PPME1: variants seen among roughly 807,000 people sequenced by gnomAD.
The protein encoded by PPME1 is protein phosphatase methylesterase 1, also known as testicular secretory protein Li 39.
A neutral mutation model predicts 56.9 loss-of-function variants in PPME1; 17 were observed. The ratio of observed to expected loss-of-function variants is 0.30; its 90% CI spans 0.20 to 0.45. The LOEUF (loss-of-function observed/expected upper bound fraction) is 0.45, where lower values mean the gene tolerates loss of function less well. Among genes scored for constraint, PPME1 ranks in the 20% least tolerant of loss-of-function variants. PPME1 has a pLI of 1.00. For missense variants in PPME1, 357 were observed against 483.2 expected, an observed-to-expected ratio of 0.74 and a Z score of 2.45; for synonymous variants, 122 against 156.2, an observed-to-expected ratio of 0.78 and a Z score of 1.63.
chr11:74,200,375 G>GTGTGTT (rs1211471945), intron 1 of PPME1, among the ~76,000 whole-genome samples: 2 of 151,548 alleles, frequency 1.3e-5, no homozygotes, highest in African/African-American at 4.8e-5. Context: ...GTGTGTGTGT[G>GTGTGTT]TGTGTGTGTG....
At chr11:74,252,288 A>G in intron 13 of PPME1, 1 of 235,306 alleles carries the variant, frequency 4.2e-6, no homozygotes, top group Non-Finnish European at 8.2e-6. Flanking sequence ...TGGTTTCTCC[A>G]TGTTGGCCAG....
rs371691886 is a variant in PPME1, at chr11:74,243,770, CCTTT to C, written c.835-2293_835-2290del. 4.7e-4 allele frequency among the ~76,000 whole-genome samples: 71 copies of C among 150,484 alleles called. No individual in the cohort carries two copies. In the South Asian group the frequency reaches 8.4e-3, roughly 18 times the overall value. ...CTGGCGATCTTTTTCTTTTTCTTTT[CCTTT>C]CTTTCTTTCTTTTTTTTTTTTTTAC... On this transcript the variant is annotated intron_variant, in intron 9 of 13. Transcript: ENST00000328257.
At chr11:74,200,358 TG>T (rs1258629574) in intron 1 of PPME1, among the ~76,000 whole-genome samples, 19 of 1,750 alleles carry the variant, frequency 0.011, no homozygotes, top group Admixed American at 0.081. Flanking sequence ...TCATGTGTTT[TG>T]TGTGTGTGTG....
At chr11:74,210,022 A>C (rs1324338098) in intron 3 of PPME1, among the ~76,000 whole-genome samples, 2 of 152,168 alleles carry the variant, frequency 1.3e-5, no homozygotes, top group African/African-American at 4.8e-5. Context: ...AGATCGTGCT[A>C]CTGCACTCCA....
chr11:74,229,132 A>G (rs920749511), intron 5 of PPME1, among the ~76,000 whole-genome samples: 4 of 152,168 alleles, frequency 2.6e-5, no homozygotes, highest in Non-Finnish European at 4.4e-5. Flanking sequence ...ATCAGTTCCT[A>G]CAGAACTAAT....
chr11:74,249,134 AC>A (rs1479458942), intron 11 of PPME1: 1 of 152,220 alleles, frequency 6.6e-6, no homozygotes, highest in Non-Finnish European at 1.5e-5. Context: ...TATCAAGACC[AC>A]CTTCTGGTTT....
chr11:74,203,576 T>G (rs1433571135), intron 1 of PPME1, among the ~76,000 whole-genome samples, 152 bp from the exon 2 acceptor site: 1 of 152,220 alleles, frequency 6.6e-6, no homozygotes, highest in African/African-American at 2.4e-5. Flanking sequence ...AAATACATTT[T>G]TAATATGATA....
intron 1 of PPME1, among the ~76,000 whole-genome samples, chr11:74,201,304 A>T (rs1157650567): frequency 1.3e-5 from 2 of 151,990 alleles, no homozygotes; most frequent in Non-Finnish European, 2.9e-5. Context: ...TGTTTTTTTT[A>T]AATGAAGGAA....
intron 9 of PPME1, among the ~76,000 whole-genome samples, chr11:74,241,387 G>A (rs1414702062): frequency 1.3e-5 from 2 of 152,064 alleles, no homozygotes; most frequent in Non-Finnish European, 2.9e-5. Flanking sequence ...TCCATTCATC[G>A]CTTGATGGAC....
chr11:74,171,617 A>C (rs1857231838), intron 1 of PPME1, 95 bp downstream of exon 1: 1 of 1,413,096 alleles, frequency 7.1e-7, no homozygotes, highest in Non-Finnish European at 9.4e-7. Context: ...AAAGGAGTCT[A>C]CTGATAGGAG....
intron 3 of PPME1, among the ~76,000 whole-genome samples, chr11:74,212,870 C>T (rs1029339429): frequency 2.6e-5 from 4 of 152,166 alleles, no homozygotes; most frequent in African/African-American, 4.8e-5. Context: ...TGCCGTGGTC[C>T]TGAGGTAAGA....
intron 1 of PPME1, among the ~76,000 whole-genome samples, chr11:74,189,333 A>AGT (rs1377262333): frequency 3.7e-4 from 57 of 152,322 alleles, no homozygotes; most frequent in Middle Eastern, 6.8e-3. Flanking sequence ...TCTGTCACCC[A>AGT]GGCTGATGTG....
At chr11:74,171,742 G>A (rs1324600506) in intron 1 of PPME1, among the ~76,000 whole-genome samples, 1 of 152,050 alleles carries the variant, frequency 6.6e-6, no homozygotes, top group African/African-American at 2.4e-5. Context: ...AGGGAGAGGG[G>A]AATGAGGCAA....
chr11:74,237,512 T>G (rs1859224824), intron 8 of PPME1, among the ~76,000 whole-genome samples: 2 of 151,956 alleles, frequency 1.3e-5, no homozygotes, highest in African/African-American at 4.8e-5. Context: ...CCTGACCTCA[T>G]GATCCGCCCA....
chr11:74,171,592 T>TC, intron 1 of PPME1, 70 bp downstream of exon 1: 1 of 1,500,570 alleles, frequency 6.7e-7, no homozygotes, highest in Non-Finnish European at 8.9e-7. Flanking sequence ...CTCTGGGCGT[T>TC]CATAGAGGCA....
At chr11:74,207,094 A>G (rs1004356996) in intron 3 of PPME1, among the ~76,000 whole-genome samples, 7 of 151,478 alleles carry the variant, frequency 4.6e-5, no homozygotes, top group African/African-American at 1.7e-4. Context: ...ATGCCACCTA[A>G]GAGGAAAGAT....
At chr11:74,227,368 C>G (rs1373305479) in intron 5 of PPME1, among the ~76,000 whole-genome samples, 3 of 146,400 alleles carry the variant, frequency 2.0e-5, no homozygotes, top group Non-Finnish European at 4.4e-5. Context: ...TAAAAATCAT[C>G]CACAGTAGAT....
chr11:74,172,902 G>A (rs1857308987), intron 1 of PPME1, among the ~76,000 whole-genome samples: 1 of 152,138 alleles, frequency 6.6e-6, no homozygotes, highest in Non-Finnish European at 1.5e-5. Context: ...TCAAAAAGGA[G>A]GCGAGAGTAG....
At position 74,230,031 on chromosome 11, in the gene PPME1, AC is replaced by A. The variant is rs1430445428; in HGVS notation, c.399-212del. ...CAGTAATTTGGGTTCTTAGTCCTTTACCTGCCATTTATCAGGAGAGCTAGGT... is the reference window on the plus strand; with the variant it reads ...CAGTAATTTGGGTTCTTAGTCCTTTACTGCCATTTATCAGGAGAGCTAGGT... On this transcript the variant is annotated intron_variant, in intron 5 of 13. Transcript: ENST00000328257. This position sits in a 1 kb window ranked among gnomAD's most constrained non-coding sequence, Gnocchi z 4.9. 1.3e-5 allele frequency among the ~76,000 whole-genome samples: 2 copies of A among 152,202 alleles called. No homozygotes were observed. Among genetic ancestry groups the A allele is most frequent in the African/African-American group, 2.4e-5 (1 of 41,464 alleles).
Sources: allele counts gnomAD v4.1 joint callset (sites outside exome capture counted in the v4.1 genomes callset), GRCh38; gene constraint gnomAD v4.1.1; non-coding constraint Gnocchi (gnomAD v3.1); transcripts MANE v1.5; gene names NCBI Gene and HGNC (gene_info 2026-07-23, HGNC 2026-07-21).